MPP7: variants seen among roughly 807,000 people sequenced by gnomAD.
MPP7 encodes the protein MAGUK p55 scaffold protein 7.
MPP7 carries 60 observed loss-of-function variants against 76.5 expected under a neutral mutation model. The ratio of observed to expected loss-of-function variants is 0.78; its 90% CI spans 0.64 to 0.97. The LOEUF is 0.97. Among genes scored for constraint, MPP7 ranks in the 50% least tolerant of loss-of-function variants. MPP7 has a pLI of 0.00. For missense variants in MPP7, 641 were observed against 694.0 expected (o/e 0.92, Z 0.86); for synonymous variants, 237 against 244.5 (o/e 0.97, Z 0.29).
At chr10:28,245,346 A>G (rs1233966191) in intron 1 of MPP7, among the ~76,000 whole-genome samples, 1 of 152,032 alleles carries the variant, frequency 6.6e-6, no homozygotes, top group East Asian at 1.9e-4. Context: ...TTTTTGTTCA[A>G]TCAATGTCCC....
At chr10:28,180,977 C>CGGAT (rs1214160076) in intron 3 of MPP7, among the ~76,000 whole-genome samples, 1 of 152,062 alleles carries the variant, frequency 6.6e-6, no homozygotes, top group Non-Finnish European at 1.5e-5. Context: ...GCAGGATATA[C>CGGAT]GGATGGATGG....
At chr10:28,058,041 A>G (rs1316724161) in intron 15 of MPP7, among the ~76,000 whole-genome samples, 1 of 152,174 alleles carries the variant, frequency 6.6e-6, no homozygotes, top group African/African-American at 2.4e-5. Flanking sequence ...AATGCCCTTC[A>G]GTTCTAGTGG....
intron 1 of MPP7, among the ~76,000 whole-genome samples, chr10:28,241,366 T>C (rs1178895731): frequency 6.6e-6 from 1 of 152,182 alleles, no homozygotes; most frequent in Non-Finnish European, 1.5e-5. Context: ...CTTTTAAGTA[T>C]ATATACTACA....
chr10:28,211,735 C>T (rs1007650015), intron 2 of MPP7, among the ~76,000 whole-genome samples: 3 of 151,902 alleles, frequency 2.0e-5, no homozygotes, highest in Admixed American at 6.6e-5. Flanking sequence ...CACCAGAGTA[C>T]ATCAGAATAC....
rs758536990 is a variant in MPP7 at position 28,118,405 on chromosome 10, G to A, written c.952+1246C>T. ...AAGAGTTGAGTATGGATCCAGATTCGAGTATAATTACATTTATTTCATCTT... is the reference window on the plus strand; with the variant it reads ...AAGAGTTGAGTATGGATCCAGATTCAAGTATAATTACATTTATTTCATCTT... On this transcript the variant is annotated intron_variant, in intron 11 of 16. Transcript: ENST00000683449. 1.9e-4 allele frequency: 183 copies of A among 980,906 alleles called. No individual in the cohort carries two copies. The South Asian group carries it at 2.7e-3, about 15-fold the overall frequency. 60.8% of individuals were successfully genotyped at this position (980,906 alleles called of 1,614,324 possible). A position where few individuals can be genotyped will look rare whatever the true frequency, so the allele number is the denominator to read the frequency against.
At chr10:28,303,205 C>T (rs528996978), upstream of MPP7, 6 of 151,904 alleles carry the variant, frequency 3.9e-5, no homozygotes, top group East Asian at 9.7e-4. Context: ...CAGCAGAACT[C>T]CCTCATTGGT....
At chr10:28,122,188 T>C (rs1358894045) in intron 8 of MPP7, among the ~76,000 whole-genome samples, 1 of 152,214 alleles carries the variant, frequency 6.6e-6, no homozygotes, top group Non-Finnish European at 1.5e-5. Context: ...CTCTTATTTT[T>C]CTAGTTTGTG....
At chr10:28,069,650 A>G (rs566495664) in intron 13 of MPP7, 122 bp downstream of exon 13, 1 of 633,152 alleles carries the variant, frequency 1.6e-6, no homozygotes, top group African/African-American at 1.9e-5. Context: ...CCATAAATAC[A>G]TATACCTACC....
At chr10:28,069,721 T>A in intron 13 of MPP7, 51 bp downstream of exon 13, 1 of 1,386,144 alleles carries the variant, frequency 7.2e-7, no homozygotes, top group Non-Finnish European at 9.7e-7. Flanking sequence ...TTTAAAAATT[T>A]AAAATTATCG....
At position 28,276,283 on chromosome 10, in the gene MPP7, G is replaced by A. The variant is rs762468132; in HGVS notation, c.-132+26578C>T. Among the ~76,000 whole-genome samples the A allele has an allele frequency of 5.9e-5, 9 of 152,004 alleles. No homozygotes were observed. In the South Asian group the frequency reaches 6.2e-4, roughly 11 times the overall value. On this transcript the variant is annotated intron_variant, in intron 1 of 16. Coordinates refer to ENST00000683449, the MANE Select transcript of MPP7 (RefSeq NM_001318170.2). ...TGACCTCAGGTGATCCACCCGCCTC[G>A]GCCTCCCAGAGTGCTGGGATTACAG...
At chr10:28,108,017 T>A (rs1834377549) in intron 11 of MPP7, among the ~76,000 whole-genome samples, 1 of 152,224 alleles carries the variant, frequency 6.6e-6, no homozygotes, top group African/African-American at 2.4e-5. Flanking sequence ...ATTGAAATAC[T>A]CCATATGTCT....
At chr10:28,181,824 A>G (rs1249413021) in intron 3 of MPP7, among the ~76,000 whole-genome samples, 1 of 152,224 alleles carries the variant, frequency 6.6e-6, no homozygotes, top group Non-Finnish European at 1.5e-5. Flanking sequence ...AGAATATTAG[A>G]TCAGTTCAAA....
At chr10:28,163,473 A>G (rs961979660) in intron 3 of MPP7, among the ~76,000 whole-genome samples, 49 of 152,176 alleles carry the variant, frequency 3.2e-4, no homozygotes, top group Admixed American at 2.0e-3. Context: ...TTTATTTAAC[A>G]TAAGTTCTCT....
chr10:28,207,642 T>C (rs1444521151), intron 2 of MPP7, among the ~76,000 whole-genome samples: 1 of 150,572 alleles, frequency 6.6e-6, no homozygotes, highest in Non-Finnish European at 1.5e-5. Context: ...GTGGTGACTA[T>C]AATCACATCA....
chr10:28,121,600 T>C (rs887983575), intron 8 of MPP7, among the ~76,000 whole-genome samples: 4 of 152,198 alleles, frequency 2.6e-5, no homozygotes, highest in Non-Finnish European at 5.9e-5. Flanking sequence ...CATGTCATTC[T>C]CTGTCTCTCT....
chr10:28,158,929 A>T (rs1239478111), intron 3 of MPP7, among the ~76,000 whole-genome samples: 1 of 152,170 alleles, frequency 6.6e-6, no homozygotes, highest in African/African-American at 2.4e-5. Flanking sequence ...TTTCAAAAGC[A>T]AACCGATCCA....
At chr10:28,059,505 C>A (rs1851691499) in intron 14 of MPP7, 145 bp downstream of exon 14, 4 of 549,780 alleles carry the variant, frequency 7.3e-6, no homozygotes, top group South Asian at 2.8e-5. Flanking sequence ...AATTACCAAC[C>A]AAATTATTAC....
At chr10:28,228,398 C>T (rs1422463554) in intron 2 of MPP7, among the ~76,000 whole-genome samples, 6 of 152,072 alleles carry the variant, frequency 3.9e-5, no homozygotes, top group Admixed American at 2.0e-4. Context: ...GTGAGGTTAA[C>T]GAGACTTCCC....
intron 13 of MPP7, among the ~76,000 whole-genome samples, chr10:28,068,057 G>A (rs181159025): frequency 2.5e-4 from 37 of 150,272 alleles, no homozygotes; most frequent in East Asian, 2.2e-3. Flanking sequence ...TTAAAAATTC[G>A]TTTTTTTTTC....
Sources: gnomAD v4.1 joint callset for allele counts (sites outside exome capture counted in the v4.1 genomes callset) on GRCh38, gnomAD v4.1.1 for gene constraint, MANE v1.5 for transcripts, NCBI Gene and HGNC (gene_info 2026-07-23, HGNC 2026-07-21) for gene names.